POLR2B: variants seen among roughly 807,000 people sequenced by gnomAD.
The protein encoded by POLR2B is RNA polymerase II subunit B, also known as DNA-directed RNA polymerase II subunit RPB2.
Under a neutral mutation model 144.6 loss-of-function variants are expected in POLR2B, and 57 were observed. The observed-to-expected ratio is 0.39, with a 90% CI of 0.32 to 0.49. POLR2B has a LOEUF of 0.49. Ranked by LOEUF, POLR2B falls within the 20% of genes least tolerant of loss-of-function variation. The pLI is 0.83. For synonymous variants in POLR2B, 442 were observed against 469.8 expected (o/e 0.94, Z 0.77); for missense variants, 595 against 1,467.4 (o/e 0.41, Z 9.71).
At chr4:56,999,817 T>G in intron 7 of POLR2B, 36 bp downstream of exon 7, 1 of 1,454,238 alleles carries the variant, frequency 6.9e-7, no homozygotes, top group Non-Finnish European at 9.6e-7. Context: ...CAGAGCTTTA[T>G]AAGAGATTTA....
rs1412669148 is a variant in POLR2B, at chr4:57,017,682, G to A, written c.2277G>A (p.Val759=). 2.1e-5 allele frequency: 34 copies of A among 1,613,828 alleles called. No homozygotes were observed. Among genetic ancestry groups the A allele is most frequent in the Non-Finnish European group, 2.8e-5 (33 of 1,179,916 alleles). ...TCTATTATCCTCAAAAGCCACTTGT[G>A]ACTACACGGTCTATGGAATATCTAC... The part of the protein sequence containing the change: ...HVLYYPQKPL[V]TTRSMEYLRF... The change falls in exon 16 of 25, where the codon GTG becomes GTA. Residue 759 remains valine, a synonymous_variant. Coordinates refer to ENST00000314595, the MANE Select transcript of POLR2B (RefSeq NM_000938.3). This position sits in a 1 kb window ranked among gnomAD's most constrained non-coding sequence, Gnocchi z 4.8.
intron 23 of POLR2B, among the ~76,000 whole-genome samples, chr4:57,029,043 G>A (rs1723821679): frequency 6.6e-6 from 1 of 152,102 alleles, no homozygotes; most frequent in African/African-American, 2.4e-5. Flanking sequence ...TTTGCTGCTT[G>A]CATCCCAAAT....
intron 1 of POLR2B, among the ~76,000 whole-genome samples, chr4:56,984,670 G>A (rs1400866720): frequency 1.3e-5 from 2 of 152,124 alleles, no homozygotes; most frequent in Non-Finnish European, 2.9e-5. Context: ...TCCCTCAGGT[G>A]TAGGGATTAA....
intron 24 of POLR2B, among the ~76,000 whole-genome samples, 199 bp downstream of exon 24, chr4:57,030,598 T>C (rs1413880345): frequency 2.6e-5 from 4 of 152,244 alleles, no homozygotes; most frequent in Non-Finnish European, 5.9e-5. Flanking sequence ...AGTGTGGTAA[T>C]TTCTCTAAGC....
chr4:56,985,957 A>G (rs1722313537), intron 1 of POLR2B, among the ~76,000 whole-genome samples: 3 of 152,166 alleles, frequency 2.0e-5, no homozygotes, highest in Admixed American at 6.5e-5. Flanking sequence ...GGAAAATGCA[A>G]ACTTTCATAC....
Position 56,994,849 on chromosome 4 carries a change from A to G in POLR2B, c.559A>G (p.Ile187Val). 6.3e-7 allele frequency: 1 copy of G among 1,587,840 alleles called. No individual in the cohort carries two copies. Among genetic ancestry groups the G allele is most frequent in the Non-Finnish European group, 8.6e-7 (1 of 1,157,040 alleles). ...TTTGGATCCTGGTGGCTATTTCATTATTAATGGATCAGAAAAGGTATAGTA... is the reference window on the plus strand; with the variant it reads ...TTTGGATCCTGGTGGCTATTTCATTGTTAATGGATCAGAAAAGGTATAGTA... ...CPLDPGGYFI[I>V]NGSEKVLIAQ... The change falls in exon 5 of 25, where the codon ATT becomes GTT. Residue 187 changes from isoleucine (I) to valine (V), a missense_variant. Physicochemically the swap from Ile to Val is conservative, Grantham distance 29 (BLOSUM62 3). This residue lies in a region of POLR2B where 251 missense variants were observed against 567.3 expected (regional missense o/e 0.44). Transcript: ENST00000314595.
chr4:56,981,298 C>T (rs1722152011), intron 1 of POLR2B, among the ~76,000 whole-genome samples: 1 of 151,204 alleles, frequency 6.6e-6, no homozygotes, highest in Non-Finnish European at 1.5e-5. Context: ...TGTGGATGTA[C>T]CATAACTTAA....
At chr4:57,030,740 G>A (rs1723889358) in intron 24 of POLR2B, 159 bp from the exon 25 acceptor site, 12 of 588,352 alleles carry the variant, frequency 2.0e-5, no homozygotes, top group Non-Finnish European at 3.0e-6. Context: ...AGCCTACTAG[G>A]AGAAAGAACC....
At chr4:57,025,106 A>G (rs887567568) in intron 22 of POLR2B, 107 bp downstream of exon 22, 8 of 657,582 alleles carry the variant, frequency 1.2e-5, no homozygotes, top group Non-Finnish European at 1.9e-5. Flanking sequence ...ATGTGCACAT[A>G]TAGAAATGTA....
intron 23 of POLR2B, 38 bp from the exon 24 acceptor site, chr4:57,030,166 A>G (rs1723870065): frequency 6.5e-7 from 1 of 1,529,458 alleles, no homozygotes; most frequent in South Asian, 1.1e-5. Flanking sequence ...TTTATAATAA[A>G]AAATAAGTAC....
chr4:56,983,967 C>T (rs57923328), intron 1 of POLR2B, among the ~76,000 whole-genome samples: 21,756 of 151,244 alleles, frequency 0.14, 1,855 homozygotes, highest in East Asian at 0.4. Context: ...TGGGTTCAAG[C>T]GATTCTCCTG....
chr4:57,020,883 C>G lies in POLR2B; in HGVS notation c.2324-16C>G, dbSNP rs773283142. ...TCCAGGTGATGTTTTAATGTATGCT[C>G]TTAAATTCACTGCAGGCATCAACTC... On this transcript the variant is annotated splice_polypyrimidine_tract_variant and intron_variant, in intron 16 of 24. Transcript: ENST00000314595. The G allele has an allele frequency of 5.7e-6, 8 of 1,405,366 alleles. No individual in the cohort carries two copies. The Admixed American group carries it at 1.3e-4, about 24-fold the overall frequency. The allele number at this position is 1,405,366 out of a possible 1,614,324, so 87.1% of individuals were successfully genotyped here. A position where few individuals can be genotyped will look rare whatever the true frequency, so the allele number is the denominator to read the frequency against.
intron 10 of POLR2B, among the ~76,000 whole-genome samples, chr4:57,008,206 G>GT (rs59219952): frequency 0.81 from 110,784 of 137,130 alleles, 45,399 homozygotes; most frequent in East Asian, 0.95. Context: ...CAAGGAATTG[G>GT]TTTTTTTTTT....
chr4:56,989,164 G>A (rs1490415556), intron 2 of POLR2B, among the ~76,000 whole-genome samples: 1 of 152,066 alleles, frequency 6.6e-6, no homozygotes, highest in African/African-American at 2.4e-5. Flanking sequence ...ATATAGTTTA[G>A]GTGTTTAAGC....
chr4:57,030,121 A>G, intron 23 of POLR2B, 83 bp from the exon 24 acceptor site: 1 of 1,111,162 alleles, frequency 9.0e-7, no homozygotes, highest in Non-Finnish European at 1.3e-6. Flanking sequence ...CTTTGCAAAT[A>G]TTATTCTCCA....
At chr4:57,005,750 C>T (rs1419273466) in intron 9 of POLR2B, 31 bp downstream of exon 9, 2 of 1,599,650 alleles carry the variant, frequency 1.3e-6, no homozygotes, top group African/African-American at 1.3e-5. Context: ...GTCATTAAAG[C>T]AGGGAGATTT....
intron 2 of POLR2B, among the ~76,000 whole-genome samples, chr4:56,987,394 G>A (rs897056661): frequency 3.0e-5 from 1 of 33,564 alleles, no homozygotes; most frequent in Admixed American, 3.9e-4. Context: ...GATGTTAAAG[G>A]CTTATAACTC....
At chr4:56,996,206 A>ATGTGTGTGTGTGTGTGTGTGTGTGTGTG (rs59059584) in intron 6 of POLR2B, among the ~76,000 whole-genome samples, 3 of 115,342 alleles carry the variant, frequency 2.6e-5, no homozygotes, top group Non-Finnish European at 5.1e-5. Flanking sequence ...ATTTCAGTTC[A>ATGTGTGTGTGTGTGTGTGTGTGTGTGTG]TGTGTGTGTG....
intron 16 of POLR2B, among the ~76,000 whole-genome samples, chr4:57,020,364 C>G (rs1343753367): frequency 1.3e-5 from 2 of 152,016 alleles, no homozygotes. Flanking sequence ...GCTCATCAAA[C>G]AAAGTGTTTT....
Sources: gnomAD v4.1 joint callset for allele counts (sites outside exome capture counted in the v4.1 genomes callset) on GRCh38, gnomAD v4.1.1 for gene constraint, gnomAD v4.1.1 regional missense constraint, Gnocchi (gnomAD v3.1) non-coding constraint, MANE v1.5 for transcripts, NCBI Gene and HGNC (gene_info 2026-07-23, HGNC 2026-07-21) for gene names.